The following WFDC10B variants were observed in gnomAD, a reference collection of about 807,000 sequenced individuals.
The protein encoded by WFDC10B is protein WFDC10B.
A neutral mutation model predicts 2.7 loss-of-function variants in WFDC10B; 1 was observed. The ratio of observed to expected loss-of-function variants is 0.38; its 90% confidence interval spans 0.13 to 1.79. The LOEUF is 1.79. Among genes scored for constraint, WFDC10B ranks in the 40% most tolerant of loss-of-function variants. WFDC10B has a pLI of 0.33. For missense variants in WFDC10B, 71 were observed against 87.8 expected (o/e 0.81, Z 0.76); for synonymous variants, 26 against 32.2 (o/e 0.81, Z 0.65).
chr20:45,688,120 C>A (rs1184786323), intron 2 of WFDC10B, among the ~76,000 whole-genome samples: 2 of 146,378 alleles, frequency 1.4e-5, no homozygotes, highest in East Asian at 4.1e-4. Context: ...TGAGAATATG[C>A]GGTGTTTGGT....
At chr20:45,703,659 T>G (rs432448) in intron 2 of WFDC10B, among the ~76,000 whole-genome samples, 80,982 of 151,812 alleles carry the variant, frequency 0.53, 22,844 homozygotes, top group African/African-American at 0.72. Context: ...GGTTGTGGAC[T>G]TAGGGAAGAC....
chr20:45,692,302 C>G (rs910657966), intron 2 of WFDC10B, among the ~76,000 whole-genome samples: 1 of 151,930 alleles, frequency 6.6e-6, no homozygotes, highest in African/African-American at 2.4e-5. Context: ...GTGAATCTGA[C>G]AATTATGTGT....
chr20:45,685,333 T>A (rs866352601), intron 3 of WFDC10B, among the ~76,000 whole-genome samples: 3 of 152,082 alleles, frequency 2.0e-5, no homozygotes, highest in Middle Eastern at 3.2e-3. Context: ...GTCTCCAGAA[T>A]TTGCAGAGCC....
At chr20:45,687,056 G>A (rs1983642833) in intron 2 of WFDC10B, among the ~76,000 whole-genome samples, 1 of 152,140 alleles carries the variant, frequency 6.6e-6, no homozygotes, top group Non-Finnish European at 1.5e-5. Context: ...TGCAGGATGT[G>A]CAGGTTTGTT....
chr20:45,694,621 T>C (rs894073481), intron 2 of WFDC10B, among the ~76,000 whole-genome samples: 1 of 152,182 alleles, frequency 6.6e-6, no homozygotes, highest in African/African-American at 2.4e-5. Flanking sequence ...AGAAATATAT[T>C]TGGTCTTTGT....
chr20:45,702,649 C>G (rs1984212877), intron 2 of WFDC10B, among the ~76,000 whole-genome samples: 1 of 152,172 alleles, frequency 6.6e-6, no homozygotes, highest in African/African-American at 2.4e-5. Context: ...TAACCTTGGC[C>G]TTGGAGGATG....
intron 2 of WFDC10B, among the ~76,000 whole-genome samples, chr20:45,702,508 G>C (rs1017145647): frequency 6.6e-6 from 1 of 152,178 alleles, no homozygotes; most frequent in Non-Finnish European, 1.5e-5. Flanking sequence ...ATTAAATGCT[G>C]TAAATGTGAT....
intron 2 of WFDC10B, among the ~76,000 whole-genome samples, chr20:45,698,212 C>T (rs1233812405): frequency 6.6e-6 from 1 of 152,154 alleles, no homozygotes; most frequent in Non-Finnish European, 1.5e-5. Flanking sequence ...GCATGTTTTT[C>T]CCAGCAAGGC....
At chr20:45,687,785 G>A (rs1016494709) in intron 2 of WFDC10B, among the ~76,000 whole-genome samples, 1 of 151,714 alleles carries the variant, frequency 6.6e-6, no homozygotes, top group Non-Finnish European at 1.5e-5. Context: ...TTTATCGGCT[G>A]CATATATGTC....
At chr20:45,702,008 AG>A (rs1984182157) in intron 2 of WFDC10B, 3 of 896,778 alleles carry the variant, frequency 3.3e-6, no homozygotes, top group Admixed American at 4.5e-5. Context: ...ACACGGTGAA[AG>A]GCTAGTCACA....
At chr20:45,692,139 C>T (rs1043268342) in intron 2 of WFDC10B, among the ~76,000 whole-genome samples, 3 of 152,094 alleles carry the variant, frequency 2.0e-5, no homozygotes, top group African/African-American at 7.2e-5. Context: ...GAAACTCTTT[C>T]CTTTAAGGAT....
intron 2 of WFDC10B, among the ~76,000 whole-genome samples, chr20:45,699,441 T>G (rs1984079468): frequency 6.6e-6 from 1 of 152,196 alleles, no homozygotes; most frequent in African/African-American, 2.4e-5. Context: ...TGGAGTATTA[T>G]TCACCCATAA....
chr20:45,695,195 C>T (rs1305547711), intron 2 of WFDC10B, among the ~76,000 whole-genome samples: 4 of 152,042 alleles, frequency 2.6e-5, no homozygotes, highest in Non-Finnish European at 4.4e-5. Context: ...GCAACTGGCA[C>T]CTGAAGTTGG....
chr20:45,700,591 T>C (rs928676828), intron 2 of WFDC10B, among the ~76,000 whole-genome samples: 1 of 152,188 alleles, frequency 6.6e-6, no homozygotes, highest in Non-Finnish European at 1.5e-5. Context: ...AATGTTATCA[T>C]CTCAATATAC....
intron 2 of WFDC10B, among the ~76,000 whole-genome samples, chr20:45,698,379 G>T (rs548974643): frequency 2.9e-4 from 44 of 152,110 alleles, no homozygotes; most frequent in African/African-American, 1.0e-3. Context: ...ATTGGGCAAT[G>T]GATTCTTAGA....
chr20:45,694,585 G>A (rs559254589), intron 2 of WFDC10B, among the ~76,000 whole-genome samples: 2 of 152,192 alleles, frequency 1.3e-5, no homozygotes, highest in Non-Finnish European at 2.9e-5. Context: ...TAGTTGGAGA[G>A]TTCAATATCC....
intron 2 of WFDC10B, among the ~76,000 whole-genome samples, chr20:45,687,253 A>T (rs1366951963): frequency 6.6e-6 from 1 of 150,682 alleles, no homozygotes; most frequent in Non-Finnish European, 1.5e-5. Context: ...GGGGTGTTTG[A>T]ACATGGGGTG....
Position 45,702,047 on chromosome 20 carries a change from T to C in WFDC10B, c.-65+2450A>G. 3 of 1,416,996 alleles carry C rather than the reference T, an allele frequency of 2.1e-6. No individual in the cohort carries two copies. In the Middle Eastern group the frequency reaches 5.3e-4, roughly 249 times the overall value. The allele number at this position is 1,416,996 out of a possible 1,614,324, so 87.8% of individuals were successfully genotyped here. A position where few individuals can be genotyped will look rare whatever the true frequency, so the allele number is the denominator to read the frequency against. On this transcript the variant is annotated intron_variant, in intron 2 of 3. Coordinates refer to ENST00000330523, the MANE Select transcript of WFDC10B (RefSeq NM_172006.2). Reference sequence around the variant, plus strand: ...GGGCCTCCACTTTGCCCTCTTTCCTTCTCTTCTCCTCACAGCAGTGCCTGG... The same window carrying C: ...GGGCCTCCACTTTGCCCTCTTTCCTCCTCTTCTCCTCACAGCAGTGCCTGG...
At chr20:45,690,704 A>T (rs1169245631) in intron 2 of WFDC10B, among the ~76,000 whole-genome samples, 2 of 151,694 alleles carry the variant, frequency 1.3e-5, no homozygotes, top group Non-Finnish European at 2.9e-5. Context: ...ATCATTTTTT[A>T]TTGCATCTAT....
Sources: gnomAD v4.1 joint callset for allele counts (sites outside exome capture counted in the v4.1 genomes callset) on GRCh38, gnomAD v4.1.1 for gene constraint, MANE v1.5 for transcripts, NCBI Gene and HGNC (gene_info 2026-07-23, HGNC 2026-07-21) for gene names.